Variants in NLRP3 observed in about 807,000 individuals in gnomAD.
NLRP3 encodes NLR family pyrin domain containing 3, also known as NACHT, LRR and PYD domains-containing protein 3.
A neutral mutation model predicts 91.3 loss-of-function variants in NLRP3; 48 were observed. The ratio of observed to expected loss-of-function variants is 0.53; its 90% CI spans 0.42 to 0.67. The LOEUF (loss-of-function observed/expected upper bound fraction) is 0.67, where lower values mean the gene tolerates loss of function less well. NLRP3 is among the 30% of genes least tolerant of loss of function. The pLI is 0.00. For synonymous variants in NLRP3, 561 were observed against 507.9 expected, an observed-to-expected ratio of 1.10 and a Z score of -1.41; for missense variants, 982 against 1,276.9, an observed-to-expected ratio of 0.77 and a Z score of 3.52.
chr1:247,431,500 G>A (rs1485747621), intron 5 of NLRP3, among the ~76,000 whole-genome samples: 4 of 152,160 alleles, frequency 2.6e-5, no homozygotes, highest in African/African-American at 9.7e-5. Context: ...CCCAGGTCCA[G>A]CAACTGTCAC....
At chr1:247,422,541 G>A (rs185881516) in intron 2 of NLRP3, among the ~76,000 whole-genome samples, 18 of 152,150 alleles carry the variant, frequency 1.2e-4, no homozygotes, top group Non-Finnish European at 1.8e-4. Context: ...GTTTGGATTT[G>A]TGATTCTCAA....
At position 247,425,846 on chromosome 1, in the gene NLRP3, AG is replaced by A; in HGVS notation, c.2150+249del. ...GTTTGGGGAATGCCAGTTTAGCACA[AG>A]GTATTAAGTAGGATGTAGGATTGCC... On this transcript the variant is annotated intron_variant, in intron 4 of 9. Transcript: ENST00000336119. This position sits in a 1 kb window ranked among gnomAD's most constrained non-coding sequence, Gnocchi z 4.1. The A allele has an allele frequency of 1.9e-6, 1 of 537,656 alleles. No homozygotes were observed. Among genetic ancestry groups the A allele is most frequent in the South Asian group, 2.0e-5 (1 of 49,308 alleles). The allele number at this position is 537,656 out of a possible 1,614,324, so 33.3% of individuals were successfully genotyped here.
At chr1:247,445,683 A>G (rs1664541437) in intron 9 of NLRP3, among the ~76,000 whole-genome samples, 1 of 152,106 alleles carries the variant, frequency 6.6e-6, no homozygotes, top group Non-Finnish European at 1.5e-5. Flanking sequence ...TGATGATTGC[A>G]CTTTTCCCTG....
chr1:247,426,456 C>T (rs1662894036), intron 4 of NLRP3, among the ~76,000 whole-genome samples: 1 of 152,188 alleles, frequency 6.6e-6, no homozygotes, highest in Non-Finnish European at 1.5e-5. Context: ...AAGGTGGCCA[C>T]CCTGTGATGT....
Position 247,418,750 on chromosome 1 carries a change from A to G in NLRP3, c.-51A>G, listed in dbSNP as rs1662225944. On this transcript the variant is annotated 5_prime_UTR_variant, in exon 2 of 10. Coordinates refer to ENST00000336119, the MANE Select transcript of NLRP3 (RefSeq NM_001243133.2). ...CCGTGTGCCGTGTTCACTGCCTGGTATCTTAGTGTGGACCGAAGCCTAAGG... is the reference window on the plus strand; with the variant it reads ...CCGTGTGCCGTGTTCACTGCCTGGTGTCTTAGTGTGGACCGAAGCCTAAGG... 6.2e-7 allele frequency: 1 copy of G among 1,610,828 alleles called. No homozygotes were observed. The highest frequency in any genetic ancestry group is 1.7e-5 in the Admixed American group (1 of 60,000).
At position 247,448,744 on chromosome 1, in the gene NLRP3, C is replaced by T. The variant is rs201976642; in HGVS notation, c.*240C>T. The T allele has an allele frequency of 5.4e-6, 3 of 557,260 alleles. No homozygotes were observed. In the South Asian group the frequency reaches 6.0e-5, roughly 11 times the overall value. 34.5% of individuals were successfully genotyped at this position (557,260 alleles called of 1,614,324 possible). A position where few individuals can be genotyped will look rare whatever the true frequency, so the allele number is the denominator to read the frequency against. On this transcript the variant is annotated 3_prime_UTR_variant, in exon 10 of 10. Coordinates refer to ENST00000336119, the MANE Select transcript of NLRP3 (RefSeq NM_001243133.2). ...GCATCGGGTGTTGTTGTCATCACAGCGCCTCAGTTAGAGGATGTTCCTCTT... is the reference window on the plus strand; with the variant it reads ...GCATCGGGTGTTGTTGTCATCACAGTGCCTCAGTTAGAGGATGTTCCTCTT...
intron 5 of NLRP3, among the ~76,000 whole-genome samples, chr1:247,433,530 G>A (rs1280842437): frequency 6.6e-6 from 1 of 152,084 alleles, no homozygotes; most frequent in African/African-American, 2.4e-5. Context: ...TGATCCCTCT[G>A]CTGTGACTGG....
chr1:247,435,837 G>C (rs34777555), intron 6 of NLRP3, 133 bp from the exon 7 acceptor site: 18,328 of 817,216 alleles, frequency 0.022, 515 homozygotes, highest in African/African-American at 0.1. Context: ...AATCAGAAGT[G>C]TACATAGAGC....
At position 247,436,030 on chromosome 1, in the gene NLRP3, C is replaced by T; in HGVS notation, c.2553C>T (p.Thr851=). ...AGGATCTTGCATCAGTATTGAGCAC[C>T]AGCCATTCCCTGACCAGACTCTATG... The part of the protein sequence containing the change: ...CCQDLASVLS[T]SHSLTRLYVG... The change falls in exon 7 of 10, where the codon ACC becomes ACT. Residue 851 remains threonine (T), a synonymous_variant. Coordinates refer to ENST00000336119, the MANE Select transcript of NLRP3 (RefSeq NM_001243133.2). The T allele has an allele frequency of 6.2e-7, 1 of 1,614,110 alleles. No individual in the cohort carries two copies. Among genetic ancestry groups the T allele is most frequent in the East Asian group, 2.2e-5 (1 of 44,874 alleles).
intron 4 of NLRP3, among the ~76,000 whole-genome samples, chr1:247,429,372 C>T (rs961186424): frequency 2.6e-5 from 4 of 152,188 alleles, no homozygotes; most frequent in Non-Finnish European, 4.4e-5. Context: ...GTCACAGGCT[C>T]ATGCTCTCCG....
chr1:247,446,473 C>G (rs1028734429), intron 9 of NLRP3, among the ~76,000 whole-genome samples: 1 of 152,212 alleles, frequency 6.6e-6, no homozygotes, highest in Non-Finnish European at 1.5e-5. Flanking sequence ...TTCTCCCAAC[C>G]CTTGCTTATT....
chr1:247,423,805 A>C (rs983319305), intron 3 of NLRP3, 42 bp from the exon 4 acceptor site: 1 of 1,567,468 alleles, frequency 6.4e-7, no homozygotes, highest in South Asian at 1.1e-5. Flanking sequence ...TCTCAGGTGG[A>C]TGTGTGTATA....
rs199662465 is a variant in NLRP3, at chr1:247,448,680, C to A, written c.*176C>A. ...CTTCCTGTGCAGAGCTTGGGCATCT[C>A]CTTTACGCCAGGGTGAGGAAGACAC... On this transcript the variant is annotated 3_prime_UTR_variant, in exon 10 of 10. Coordinates refer to ENST00000336119, the MANE Select transcript of NLRP3 (RefSeq NM_001243133.2). 1.7e-6 allele frequency: 1 copy of A among 599,438 alleles called. No individual in the cohort carries two copies. Among genetic ancestry groups the A allele is most frequent in the African/African-American group, 3.5e-5 (1 of 28,916 alleles). 37.1% of individuals were successfully genotyped at this position (599,438 alleles called of 1,614,324 possible). A position where few individuals can be genotyped will look rare whatever the true frequency, so the allele number is the denominator to read the frequency against.
Position 247,423,919 on chromosome 1 carries a change from G to C in NLRP3, c.470G>C (p.Gly157Ala). ...QCIEDRNARLGESVSLNKRYT... is the reference protein window; with the variant it reads ...QCIEDRNARLAESVSLNKRYT... The stretch of plus-strand genomic sequence containing the variant: ...ATTGAAGACAGGAATGCCCGTCTGG[G>C]TGAGAGTGTGAGCCTCAACAAACGC... Residue 157 changes from glycine (G) to alanine (A), a missense_variant, in exon 4 of 10, where the codon GGT becomes GCT. By Grantham distance (60) the Gly-to-Ala change is moderately conservative (BLOSUM62 0). Coordinates refer to ENST00000336119, the MANE Select transcript of NLRP3 (RefSeq NM_001243133.2). The C allele has an allele frequency of 6.2e-7, 1 of 1,614,050 alleles. No homozygotes were observed. Among genetic ancestry groups the C allele is most frequent in the Non-Finnish European group, 8.5e-7 (1 of 1,180,000 alleles).
chr1:247,433,978 G>C (rs1663568788), intron 5 of NLRP3, 125 bp from the exon 6 acceptor site: 1 of 498,834 alleles, frequency 2.0e-6, no homozygotes, highest in Non-Finnish European at 3.4e-6. Context: ...TCTCTGATCA[G>C]ATGTGTTCTG....
In NLRP3 at chr1:247,425,336, C is replaced by T. The variant is rs1572173453; in HGVS notation, c.1887C>T (p.Phe629=). The T allele has an allele frequency of 1.2e-6, 2 of 1,614,056 alleles. No homozygotes were observed. The highest frequency in any genetic ancestry group is 2.2e-5 in the East Asian group (1 of 44,890). ...LQIQPSQLEL[F]YCLYEMQEED... The stretch of plus-strand genomic sequence containing the variant: ...TCCAGCCCAGCCAGCTGGAATTGTT[C>T]TACTGTTTGTACGAGATGCAGGAGG... The change falls in exon 4 of 10, where the codon TTC becomes TTT. Residue 629 remains phenylalanine, a synonymous_variant. Coordinates refer to ENST00000336119, the MANE Select transcript of NLRP3 (RefSeq NM_001243133.2). This position sits in a 1 kb window ranked among gnomAD's most constrained non-coding sequence, Gnocchi z 4.1.
rs76636483 is a variant in NLRP3 at position 247,422,403 on chromosome 1, G to C, written c.278-827G>C. Among the ~76,000 whole-genome samples the C allele has an allele frequency of 5.9e-3, 884 of 150,852 alleles. 6 individuals carry two copies. The highest frequency in any genetic ancestry group is 0.021 in the African/African-American group (857 of 40,980). ...CAAAAAAAAAAAAAAAATCATTTAT[G>C]TTACTTGTAGATTCCTGCCCACCTG... On this transcript the variant is annotated intron_variant, in intron 2 of 9. Coordinates refer to ENST00000336119, the MANE Select transcript of NLRP3 (RefSeq NM_001243133.2).
intron 7 of NLRP3, among the ~76,000 whole-genome samples, chr1:247,440,211 T>A (rs751767136): frequency 3.3e-5 from 5 of 152,216 alleles, no homozygotes; most frequent in Non-Finnish European, 7.3e-5. Flanking sequence ...CCTGTCTCAA[T>A]ACTGCTCAAG....
intron 5 of NLRP3, 63 bp from the exon 6 acceptor site, chr1:247,434,040 C>CTGCTCTGGAGCTCTCTGGTCAGATG (rs1175388884): frequency 8.8e-7 from 1 of 1,139,872 alleles, no homozygotes; most frequent in African/African-American, 1.5e-5. Context: ...GATGCTTCCT[C>CTGCTCTGGAGCTCTCTGGTCAGATG]TGTTCTGGAG....
Sources: allele counts gnomAD v4.1 joint callset (sites outside exome capture counted in the v4.1 genomes callset), GRCh38; gene constraint gnomAD v4.1.1; non-coding constraint Gnocchi (gnomAD v3.1); transcripts MANE v1.5; gene names NCBI Gene and HGNC (gene_info 2026-07-23, HGNC 2026-07-21).